The following BICRA variants were observed in gnomAD, a reference collection of about 807,000 sequenced individuals.
BICRA encodes BRD4 interacting chromatin remodeling complex associated protein, also known as BRD4-interacting chromatin-remodeling complex-associated protein.
A neutral mutation model predicts 96.9 loss-of-function variants in BICRA; 31 were observed. The observed-to-expected ratio is 0.32, with a 90% CI of 0.24 to 0.43. The LOEUF (loss-of-function observed/expected upper bound fraction) is 0.43, where lower values mean the gene tolerates loss of function less well. Among genes scored for constraint, BICRA ranks in the 20% least tolerant of loss-of-function variants. BICRA has a pLI of 1.00. For missense variants in BICRA, 2,283 were observed against 2,190.3 expected, an observed-to-expected ratio of 1.04 and a Z score of -0.84; for synonymous variants, 1,350 against 1,071.8, an observed-to-expected ratio of 1.26 and a Z score of -5.07.
In BICRA at chr19:47,698,803, G is replaced by A; in HGVS notation, c.3397+21G>A. 1.3e-6 allele frequency: 2 copies of A among 1,572,004 alleles called. No individual in the cohort carries two copies. The highest frequency in any genetic ancestry group is 1.1e-5 in the South Asian group (1 of 87,168). The stretch of plus-strand genomic sequence containing the variant: ...CAAAGGTGAGGCCTCCCCAGGACAC[G>A]GCCCTATATGTCCCAGGGGACCCCA... On this transcript the variant is annotated intron_variant, in intron 12 of 14. Coordinates refer to ENST00000594866, the MANE Select transcript of BICRA (RefSeq NM_001394372.1). This position sits in a 1 kb window ranked among gnomAD's most constrained non-coding sequence, Gnocchi z 4.8.
intron 7 of BICRA, among the ~76,000 whole-genome samples, chr19:47,685,741 CTGTG>C (rs3074109): frequency 0.017 from 1,978 of 115,510 alleles, 23 homozygotes; most frequent in Non-Finnish European, 0.023. Context: ...TTGGCAGCCT[CTGTG>C]TGTGTGTGTG....
chr19:47,673,639 C>T, intron 3 of BICRA, 24 bp downstream of exon 3: 1 of 1,585,124 alleles, frequency 6.3e-7, no homozygotes, highest in Non-Finnish European at 8.7e-7. Context: ...TCCCCACCCC[C>T]TGCCCTCTGT....
rs1339590504 is a variant in BICRA, at chr19:47,679,850, C to T, written c.680C>T (p.Ala227Val). Residue 227 changes from alanine to valine, a missense_variant, in exon 6 of 15, where the codon GCG becomes GTG. Ala to Val is a moderately conservative substitution (Grantham distance 64). Transcript: ENST00000594866. ...AATGGCAGCCCTGGGGGTGCCACGGCGGCCACACTGGGCCTGGCGCCCATC... is the reference window on the plus strand; with the variant it reads ...AATGGCAGCCCTGGGGGTGCCACGGTGGCCACACTGGGCCTGGCGCCCATC... ...LPNGSPGGATAATLGLAPIQV... is the reference protein window; with the variant it reads ...LPNGSPGGATVATLGLAPIQV... 6.7e-7 allele frequency: 1 copy of T among 1,492,710 alleles called. No individual in the cohort carries two copies. The highest frequency in any genetic ancestry group is 8.9e-7 in the Non-Finnish European group (1 of 1,127,426). 92.5% of individuals were successfully genotyped at this position (1,492,710 alleles called of 1,614,324 possible). A position where few individuals can be genotyped will look rare whatever the true frequency, so the allele number is the denominator to read the frequency against.
At chr19:47,684,830 T>TCTAAG (rs140511673) in intron 7 of BICRA, among the ~76,000 whole-genome samples, 2,993 of 152,278 alleles carry the variant, frequency 0.02, 207 homozygotes, top group East Asian at 0.16. Flanking sequence ...TGAATCCAGC[T>TCTAAG]CTGCTTAGTG....
rs957806891 is a variant in BICRA at position 47,680,997 on chromosome 19, C to T, written c.1827C>T (p.Ala609=). ...PDGLVQPATP[A]AATGEAAPVL... ...GCCTGGTGCAGCCGGCCACCCCTGC[C>T]GCTGCCACCGGGGAGGCCGCGCCTG... is the stretch of plus-strand genomic sequence containing the variant. Residue 609 remains alanine (A), a synonymous_variant, in exon 6 of 15, where the codon GCC becomes GCT. Transcript: ENST00000594866. 42 of 1,460,316 alleles carry T rather than the reference C, an allele frequency of 2.9e-5. No homozygotes were observed. In the African/African-American group the frequency reaches 3.7e-4, roughly 13 times the overall value. 90.5% of individuals were successfully genotyped at this position (1,460,316 alleles called of 1,614,324 possible).
At chr19:47,622,054 C>T (rs1216778180) in intron 1 of BICRA, among the ~76,000 whole-genome samples, 4 of 151,788 alleles carry the variant, frequency 2.6e-5, no homozygotes, top group Non-Finnish European at 5.9e-5. Flanking sequence ...GCAACCTCTA[C>T]CTCCCGGGTT....
chr19:47,623,846 CTTT>C (rs58458331), intron 1 of BICRA, among the ~76,000 whole-genome samples: 13 of 139,444 alleles, frequency 9.3e-5, no homozygotes, highest in Non-Finnish European at 1.1e-4. Context: ...CTCTCTCTCT[CTTT>C]TTTTTTTTTT....
At position 47,699,066 on chromosome 19, in the gene BICRA, T is replaced by A; in HGVS notation, c.3492+7T>A. 1 of 1,537,990 alleles carries A rather than the reference T, an allele frequency of 6.5e-7. No homozygotes were observed. Among genetic ancestry groups the A allele is most frequent in the East Asian group, 2.4e-5 (1 of 41,348 alleles). ...GCTCCTGGAGGAGTCCCGGGTAGGG[T>A]CAGAGTCGCCTTCCTCGCCTCTGGG... On this transcript the variant is annotated splice_region_variant and intron_variant, in intron 13 of 14. Coordinates refer to ENST00000594866, the MANE Select transcript of BICRA (RefSeq NM_001394372.1). This position sits in a 1 kb window ranked among gnomAD's most constrained non-coding sequence, Gnocchi z 5.0.
At chr19:47,651,538 C>T (rs1972540988) in intron 1 of BICRA, among the ~76,000 whole-genome samples, 1 of 152,134 alleles carries the variant, frequency 6.6e-6, no homozygotes, top group Admixed American at 6.6e-5. Context: ...CTGACTCCTG[C>T]CGGTAGAACG....
chr19:47,636,314 C>T (rs370351840), intron 1 of BICRA, among the ~76,000 whole-genome samples: 15 of 152,150 alleles, frequency 9.9e-5, no homozygotes, highest in Non-Finnish European at 1.5e-4. Flanking sequence ...TCAAGTGATC[C>T]TTCCTCCTCA....
intron 1 of BICRA, among the ~76,000 whole-genome samples, chr19:47,622,123 T>C (rs1343127921): frequency 4.6e-5 from 7 of 151,898 alleles, no homozygotes; most frequent in East Asian, 3.9e-4. Context: ...TGCACCACCA[T>C]GCCCAGCTAA....
At chr19:47,639,937 C>T (rs1272115684) in intron 1 of BICRA, among the ~76,000 whole-genome samples, 2 of 152,142 alleles carry the variant, frequency 1.3e-5, no homozygotes, top group East Asian at 1.9e-4. Flanking sequence ...AGCCACCATG[C>T]CCAGCCTGCT....
chr19:47,609,947 G>C (rs1255184292), intron 1 of BICRA, among the ~76,000 whole-genome samples: 3 of 102,976 alleles, frequency 2.9e-5, no homozygotes, highest in African/African-American at 1.2e-4. Context: ...GGCTCATCCC[G>C]GAGGGGGCCG....
In BICRA at chr19:47,680,351, C is replaced by G. The variant is rs1017494973; in HGVS notation, c.1181C>G (p.Pro394Arg). The change falls in exon 6 of 15, where the codon CCG becomes CGG. Residue 394 changes from proline (P) to arginine (R), a missense_variant. By Grantham distance (103) the Pro-to-Arg change is moderately radical. Coordinates refer to ENST00000594866, the MANE Select transcript of BICRA (RefSeq NM_001394372.1). Reference protein sequence around the residue: ...PGALPQQPKAPQNLTFMAAGK... With the variant: ...PGALPQQPKARQNLTFMAAGK... ...GCGCTCCCGCAGCAGCCCAAGGCCC[C>G]GCAGAACCTGACGTTCATGGCGGCG... 3.3e-6 allele frequency: 5 copies of G among 1,531,544 alleles called. No individual in the cohort carries two copies. The highest frequency in any genetic ancestry group is 4.4e-6 in the Non-Finnish European group (5 of 1,144,782). 94.9% of individuals were successfully genotyped at this position (1,531,544 alleles called of 1,614,324 possible).
intron 1 of BICRA, chr19:47,661,789 C>A: frequency 6.6e-6 from 1 of 152,382 alleles, no homozygotes; most frequent in Non-Finnish European, 1.5e-5. Context: ...AACTTGGTTC[C>A]TAAGTCCCCA....
intron 1 of BICRA, among the ~76,000 whole-genome samples, chr19:47,626,556 C>A (rs1369655914): frequency 6.7e-6 from 1 of 150,178 alleles, no homozygotes; most frequent in African/African-American, 2.5e-5. Flanking sequence ...GCCACCATGG[C>A]CCGCTAATTT....
At chr19:47,664,913 G>A (rs1444555001) in intron 1 of BICRA, among the ~76,000 whole-genome samples, 2 of 68,336 alleles carry the variant, frequency 2.9e-5, no homozygotes, top group Admixed American at 1.6e-4. Context: ...AGGCCCACTG[G>A]GTGGGGGGCA....
chr19:47,680,856 G>A lies in BICRA; in HGVS notation c.1686G>A (p.Ala562=), dbSNP rs765461994. Residue 562 remains alanine, a synonymous_variant, in exon 6 of 15, where the codon GCG becomes GCA. Coordinates refer to ENST00000594866, the MANE Select transcript of BICRA (RefSeq NM_001394372.1). ...PALFQMPVSL[A]AGSLPTQSQP... ...TCTTCCAGATGCCCGTGTCGCTGGC[G>A]GCGGGCAGCCTGCCCACGCAGAGCC... 34 of 1,566,948 alleles carry A rather than the reference G, an allele frequency of 2.2e-5. No individual in the cohort carries two copies. Among genetic ancestry groups the A allele is most frequent in the Middle Eastern group, 1.7e-4 (1 of 5,790 alleles).
intron 1 of BICRA, among the ~76,000 whole-genome samples, chr19:47,623,720 G>A (rs1972098389): frequency 6.6e-6 from 1 of 152,150 alleles, no homozygotes; most frequent in Non-Finnish European, 1.5e-5. Context: ...AGGCTTCCTG[G>A]AGGAGGGAGC....
Sources: allele counts gnomAD v4.1 joint callset (sites outside exome capture counted in the v4.1 genomes callset), GRCh38; gene constraint gnomAD v4.1.1; non-coding constraint Gnocchi (gnomAD v3.1); transcripts MANE v1.5; gene names NCBI Gene and HGNC (gene_info 2026-07-23, HGNC 2026-07-21).